Variants in FOXA3 observed in about 807,000 individuals in gnomAD.
FOXA3 encodes hepatocyte nuclear factor 3-gamma.
In FOXA3, 11 loss-of-function variants were observed where a neutral mutation model predicts 16.9. The observed-to-expected ratio is 0.65, with a 90% CI of 0.41 to 1.08. FOXA3 has a LOEUF of 1.08. FOXA3 is among the 50% of genes least tolerant of loss of function. The pLI is 0.00. For synonymous variants in FOXA3, 217 were observed against 203.3 expected, an observed-to-expected ratio of 1.07 and a Z score of -0.57; for missense variants, 423 against 470.1, an observed-to-expected ratio of 0.90 and a Z score of 0.93.
intron 1 of FOXA3, among the ~76,000 whole-genome samples, chr19:45,869,469 T>C (rs918242753): frequency 1.3e-5 from 2 of 152,150 alleles, no homozygotes; most frequent in African/African-American, 2.4e-5. Flanking sequence ...CTGATAAATA[T>C]TGGTTGAATG....
chr19:45,869,361 G>A (rs1211432119), intron 1 of FOXA3, among the ~76,000 whole-genome samples: 5 of 152,228 alleles, frequency 3.3e-5, no homozygotes, highest in Non-Finnish European at 7.3e-5. Flanking sequence ...GCCTCAGCTA[G>A]CTCAGCTGTA....
intron 1 of FOXA3, among the ~76,000 whole-genome samples, chr19:45,864,880 G>C (rs1972066683): frequency 6.6e-6 from 1 of 152,150 alleles, no homozygotes; most frequent in South Asian, 2.1e-4. Context: ...GTAGGGGACA[G>C]ACTAGGGGGT....
In FOXA3 at chr19:45,872,744, G is replaced by A; in HGVS notation, c.739G>A (p.Val247Ile). 1 of 1,603,620 alleles carries A rather than the reference G, an allele frequency of 6.2e-7. No homozygotes were observed. Among genetic ancestry groups the A allele is most frequent in the South Asian group, 1.1e-5 (1 of 90,350 alleles). ...AASTTTPAAT[V>I]TSPPQPPPPA... The stretch of plus-strand genomic sequence containing the variant: ...CTCGACCACCACCCCCGCGGCCACA[G>A]TCACCTCCCCGCCCCAGCCCCCGCC... Residue 247 changes from valine (V) to isoleucine (I), a missense_variant, in exon 2 of 2, where the codon GTC becomes ATC. Transcript: ENST00000302177. This position sits in a 1 kb window ranked among gnomAD's most constrained non-coding sequence, Gnocchi z 4.5.
chr19:45,864,367 TG>T lies in FOXA3; in HGVS notation c.-87del, dbSNP rs1324896033. ...GGGCGGTCGGACGGGCGGGCGCCGG[TG>T]GGAGCTCGGGCCGTGCCCGCTGAGA... On this transcript the variant is annotated 5_prime_UTR_variant, in exon 1 of 2. Coordinates refer to ENST00000302177, the MANE Select transcript of FOXA3 (RefSeq NM_004497.3). 1 of 1,150,714 alleles carries T rather than the reference TG, an allele frequency of 8.7e-7. No individual in the cohort carries two copies. The highest frequency in any genetic ancestry group is 1.1e-6 in the Non-Finnish European group (1 of 895,226). 71.3% of individuals were successfully genotyped at this position (1,150,714 alleles called of 1,614,324 possible).
In FOXA3 at chr19:45,871,011, G is replaced by C. The variant is rs188942532; in HGVS notation, c.70-1064G>C. ...AGGCTGAGGCAGGAGGATCACTTGA[G>C]CCCCAGAGTTTGAGGCTACAGTGAG... On this transcript the variant is annotated intron_variant, in intron 1 of 1. Coordinates refer to ENST00000302177, the MANE Select transcript of FOXA3 (RefSeq NM_004497.3). Among the ~76,000 whole-genome samples the C allele has an allele frequency of 3.6e-4, 54 of 152,088 alleles. No individual in the cohort carries two copies. In the East Asian group the frequency reaches 9.9e-3, roughly 28 times the overall value.
rs546437191 is a variant in FOXA3, at chr19:45,873,522, G to A, written c.*464G>A. The A allele has an allele frequency of 3.7e-5, 7 of 189,840 alleles. No homozygotes were observed. The South Asian group carries it at 6.5e-4, about 18-fold the overall frequency. The allele number at this position is 189,840 out of a possible 1,614,324, so 11.8% of individuals were successfully genotyped here. On this transcript the variant is annotated 3_prime_UTR_variant, in exon 2 of 2. Transcript: ENST00000302177. ...CTTTGATGGACATCATACTGGGTAGGTGACAACGTCAGTGGGCCACCATGT... is the reference window on the plus strand; with the variant it reads ...CTTTGATGGACATCATACTGGGTAGATGACAACGTCAGTGGGCCACCATGT...
Position 45,864,535 on chromosome 19 carries a change from CG to C in FOXA3, c.69+14del. 1 of 1,524,120 alleles carries C rather than the reference CG, an allele frequency of 6.6e-7. No homozygotes were observed. Among genetic ancestry groups the C allele is most frequent in the Admixed American group, 2.0e-5 (1 of 49,346 alleles). 94.4% of individuals were successfully genotyped at this position (1,524,120 alleles called of 1,614,324 possible). The stretch of plus-strand genomic sequence containing the variant: ...CCCGGAGGCGGGCGAGGTGTGTCCT[CG>C]GGGATGGCGGAGCGGGAAGTTGGGG... On this transcript the variant is annotated intron_variant, in intron 1 of 1. Coordinates refer to ENST00000302177, the MANE Select transcript of FOXA3 (RefSeq NM_004497.3).
chr19:45,870,074 C>G (rs1365945620), intron 1 of FOXA3, among the ~76,000 whole-genome samples: 4 of 151,936 alleles, frequency 2.6e-5, no homozygotes, highest in Admixed American at 2.6e-4. Context: ...GTGTGAGCCA[C>G]TGTGCCCAGC....
intron 1 of FOXA3, among the ~76,000 whole-genome samples, chr19:45,871,015 C>T (rs1966899043): frequency 6.6e-6 from 1 of 151,868 alleles, no homozygotes; most frequent in Non-Finnish European, 1.5e-5. Context: ...ACTTGAGCCC[C>T]AGAGTTTGAG....
intron 1 of FOXA3, 98 bp from the exon 2 acceptor site, chr19:45,871,977 C>A: frequency 8.1e-7 from 1 of 1,229,516 alleles, no homozygotes; most frequent in Non-Finnish European, 1.2e-6. Flanking sequence ...GTAGAGAAGG[C>A]AAGATGGACA....
chr19:45,866,003 G>T (rs1347625162), intron 1 of FOXA3, among the ~76,000 whole-genome samples: 1 of 152,168 alleles, frequency 6.6e-6, no homozygotes, highest in African/African-American at 2.4e-5. Flanking sequence ...AACTACAGTT[G>T]TTTTGGGGGC....
Position 45,872,681 on chromosome 19 carries a change from G to A in FOXA3, c.676G>A (p.Ala226Thr). Reference sequence around the variant, plus strand: ...GAAGGTGAAAAAAGGGGGCAGCGGGGCTGCCACCACCACCAGGAACGGGAC... The same window carrying A: ...GAAGGTGAAAAAAGGGGGCAGCGGGACTGCCACCACCACCAGGAACGGGAC... ...EEKVKKGGSG[A>T]ATTTRNGTGS... The change falls in exon 2 of 2, where the codon GCT becomes ACT. Residue 226 changes from alanine to threonine, a missense_variant. Physicochemically the swap from Ala to Thr is moderately conservative, Grantham distance 58. Around this residue, in one of 3 missense-constraint regions of FOXA3, gnomAD observed 168 missense variants for 179.3 expected, o/e 0.94. Transcript: ENST00000302177. This position sits in a 1 kb window ranked among gnomAD's most constrained non-coding sequence, Gnocchi z 4.5. 6.2e-7 allele frequency: 1 copy of A among 1,610,984 alleles called. No homozygotes were observed. The highest frequency in any genetic ancestry group is 1.3e-5 in the African/African-American group (1 of 74,972).
At chr19:45,870,565 C>G (rs1035243865) in intron 1 of FOXA3, among the ~76,000 whole-genome samples, 2 of 144,178 alleles carry the variant, frequency 1.4e-5, no homozygotes, top group Non-Finnish European at 1.5e-5. Flanking sequence ...GGACCACCCC[C>G]CTTCTTTTTT....
In FOXA3 at chr19:45,872,873, G is replaced by A; in HGVS notation, c.868G>A (p.Gly290Arg). 1.2e-6 allele frequency: 2 copies of A among 1,613,950 alleles called. No individual in the cohort carries two copies. Among genetic ancestry groups the A allele is most frequent in the South Asian group, 1.1e-5 (1 of 91,080 alleles). ...CTATTTCACTGGCCTGGAGCTCCCA[G>A]GGGAGCTGAAGCTGGACGCGCCCTA... ...TPYFTGLELP[G>R]ELKLDAPYNF... Residue 290 changes from glycine (G) to arginine (R), a missense_variant, in exon 2 of 2, where the codon GGG (glycine) becomes AGG (arginine). Around this residue, in one of 3 missense-constraint regions of FOXA3, gnomAD observed 168 missense variants for 179.3 expected, o/e 0.94. Transcript: ENST00000302177. The surrounding 1 kb of genome is among the most constrained non-coding windows in gnomAD (Gnocchi z 4.5).
At chr19:45,870,895 C>A (rs796243260) in intron 1 of FOXA3, among the ~76,000 whole-genome samples, 2 of 151,810 alleles carry the variant, frequency 1.3e-5, no homozygotes, top group African/African-American at 4.8e-5. Context: ...TTGAAAACAG[C>A]CTGGGCAACA....
In FOXA3 at chr19:45,864,444, G is replaced by C; in HGVS notation, c.-13G>C. ...GGCCGGAGCGGGGGCGGGTGGGGGC[G>C]TAAGCCCGGGGGATGCTGGGCTCAG... On this transcript the variant is annotated 5_prime_UTR_variant, in exon 1 of 2. Transcript: ENST00000302177. 11 of 1,438,236 alleles carry C rather than the reference G, an allele frequency of 7.6e-6. No individual in the cohort carries two copies. The highest frequency in any genetic ancestry group is 7.4e-6 in the Non-Finnish European group (8 of 1,082,570). 89.1% of individuals were successfully genotyped at this position (1,438,236 alleles called of 1,614,324 possible). A position where few individuals can be genotyped will look rare whatever the true frequency, so the allele number is the denominator to read the frequency against.
Position 45,873,172 on chromosome 19 carries a change from C to A in FOXA3, c.*114C>A. 1.4e-6 allele frequency: 2 copies of A among 1,473,460 alleles called. No individual in the cohort carries two copies. Among genetic ancestry groups the A allele is most frequent in the Non-Finnish European group, 9.2e-7 (1 of 1,089,734 alleles). The allele number at this position is 1,473,460 out of a possible 1,614,324, so 91.3% of individuals were successfully genotyped here. ...CCCATTGGTTAACATCTGGGTGGGT[C>A]TATTACTTACTGTGATGACTGCTGT... On this transcript the variant is annotated 3_prime_UTR_variant, in exon 2 of 2. Coordinates refer to ENST00000302177, the MANE Select transcript of FOXA3 (RefSeq NM_004497.3).
chr19:45,872,814 C>G lies in FOXA3; in HGVS notation c.809C>G (p.Ala270Gly). 1 of 1,612,474 alleles carries G rather than the reference C, an allele frequency of 6.2e-7. No homozygotes were observed. The highest frequency in any genetic ancestry group is 8.5e-7 in the Non-Finnish European group (1 of 1,179,982). Residue 270 changes from alanine (A) to glycine (G), a missense_variant, in exon 2 of 2, where the codon GCT (alanine) becomes GGT (glycine). Coordinates refer to ENST00000302177, the MANE Select transcript of FOXA3 (RefSeq NM_004497.3). This position sits in a 1 kb window ranked among gnomAD's most constrained non-coding sequence, Gnocchi z 4.5. ...PEAQGGEDVG[A>G]LDCGSPASST... ...GCCCAGGGCGGGGAAGATGTGGGGG[C>G]TCTGGACTGTGGCTCACCCGCTTCC... is the stretch of plus-strand genomic sequence containing the variant.
chr19:45,870,044 C>T (rs184314782), intron 1 of FOXA3, among the ~76,000 whole-genome samples: 158 of 152,134 alleles, frequency 1.0e-3, no homozygotes, highest in South Asian at 6.2e-3. Flanking sequence ...CCTCGGCCTC[C>T]CAAAGTGCTG....
Sources: gnomAD v4.1 joint callset for allele counts (sites outside exome capture counted in the v4.1 genomes callset) on GRCh38, gnomAD v4.1.1 for gene constraint, gnomAD v4.1.1 regional missense constraint, Gnocchi (gnomAD v3.1) non-coding constraint, MANE v1.5 for transcripts, NCBI Gene and HGNC (gene_info 2026-07-23, HGNC 2026-07-21) for gene names.